The following KALRN variants were observed in gnomAD, a reference collection of about 807,000 sequenced individuals.
The protein encoded by KALRN is kalirin.
KALRN carries 70 observed loss-of-function variants against 353.7 expected under a neutral mutation model. The observed-to-expected ratio is 0.20, with a 90% CI of 0.16 to 0.24. The LOEUF (loss-of-function observed/expected upper bound fraction) is 0.24, where lower values mean the gene tolerates loss of function less well. KALRN is among the 10% of genes least tolerant of loss of function. The probability of loss-of-function intolerance (pLI) is 1.00; values close to 1 mark genes in which losing one functional copy is unlikely to be tolerated. For missense variants in KALRN, 2,791 were observed against 3,756.7 expected (o/e 0.74, Z 6.72); for synonymous variants, 1,391 against 1,434.8 (o/e 0.97, Z 0.69).
At chr3:124,203,112 G>T (rs1210450075) in intron 1 of KALRN, among the ~76,000 whole-genome samples, 1 of 152,190 alleles carries the variant, frequency 6.6e-6, no homozygotes, top group Non-Finnish European at 1.5e-5. Context: ...GAACTTTGAG[G>T]ATAGAGAGAT....
intron 33 of KALRN, among the ~76,000 whole-genome samples, chr3:124,550,401 T>A: frequency 6.6e-6 from 1 of 152,134 alleles, no homozygotes; most frequent in East Asian, 1.9e-4. Flanking sequence ...CTTGCCCTAG[T>A]CTCTGCTTTC....
At chr3:124,414,406 G>C (rs531406803) in intron 14 of KALRN, among the ~76,000 whole-genome samples, 2 of 152,178 alleles carry the variant, frequency 1.3e-5, no homozygotes, top group African/African-American at 4.8e-5. Context: ...CCTTGTCTCC[G>C]GTTCCTGTTT....
chr3:124,664,631 G>A (rs1033206141), intron 45 of KALRN, among the ~76,000 whole-genome samples: 10 of 152,084 alleles, frequency 6.6e-5, no homozygotes, highest in African/African-American at 1.9e-4. Context: ...GGCTGGTCTC[G>A]ATCTCCTGAC....
intron 3 of KALRN, among the ~76,000 whole-genome samples, chr3:124,261,898 A>C (rs1241821525): frequency 1.3e-5 from 2 of 152,218 alleles, no homozygotes; most frequent in Admixed American, 1.3e-4. Context: ...CTAAATCCCA[A>C]TAGAAAGCCA....
At chr3:124,171,823 C>T (rs532600418) in intron 1 of KALRN, among the ~76,000 whole-genome samples, 1 of 152,298 alleles carries the variant, frequency 6.6e-6, no homozygotes, top group African/African-American at 2.4e-5. Flanking sequence ...TTAATAACTG[C>T]AAGCAGTTGC....
intron 14 of KALRN, among the ~76,000 whole-genome samples, chr3:124,419,603 C>T (rs1314782343): frequency 6.6e-6 from 1 of 152,018 alleles, no homozygotes; most frequent in Non-Finnish European, 1.5e-5. Flanking sequence ...TGTGCTAGGG[C>T]CTGAAGAGGC....
intron 1 of KALRN, among the ~76,000 whole-genome samples, chr3:124,212,604 T>C (rs907399790): frequency 3.3e-5 from 5 of 152,160 alleles, no homozygotes; most frequent in Admixed American, 2.0e-4. Context: ...TCTGTCCTCC[T>C]TTTTCCTTAG....
intron 3 of KALRN, among the ~76,000 whole-genome samples, chr3:124,243,114 T>C (rs1468706607): frequency 6.6e-6 from 1 of 152,230 alleles, no homozygotes; most frequent in Non-Finnish European, 1.5e-5. Context: ...CACCTGCCTG[T>C]CTGTTTCTAT....
intron 4 of KALRN, among the ~76,000 whole-genome samples, chr3:124,268,364 G>A (rs1304602287): frequency 6.6e-6 from 1 of 152,162 alleles, no homozygotes; most frequent in Non-Finnish European, 1.5e-5. Context: ...TGGTTTTAAA[G>A]CTGTGGAAAA....
intron 13 of KALRN, among the ~76,000 whole-genome samples, chr3:124,412,283 G>A (rs1229311484): frequency 6.6e-6 from 1 of 152,102 alleles, no homozygotes; most frequent in Non-Finnish European, 1.5e-5. Context: ...TGCCATGTGG[G>A]AGCTGGCATG....
intron 1 of KALRN, among the ~76,000 whole-genome samples, chr3:124,132,436 T>C (rs1266920020): frequency 6.6e-6 from 1 of 152,200 alleles, no homozygotes; most frequent in African/African-American, 2.4e-5. Flanking sequence ...GGAGCCTCCA[T>C]CACTGGGAAG....
chr3:124,195,816 C>T (rs1383467499), intron 1 of KALRN, among the ~76,000 whole-genome samples: 2 of 152,218 alleles, frequency 1.3e-5, no homozygotes, highest in African/African-American at 4.8e-5. Context: ...GCCTACCTGC[C>T]AGAAATCTAA....
intron 1 of KALRN, among the ~76,000 whole-genome samples, chr3:124,190,940 G>C (rs552661876): frequency 2.6e-4 from 40 of 152,294 alleles, no homozygotes; most frequent in African/African-American, 9.6e-4. Context: ...TCAGCCCCAG[G>C]TTGTGACCTG....
chr3:124,094,584 C>G, intron 1 of KALRN: 2 of 542,004 alleles, frequency 3.7e-6, no homozygotes, highest in Non-Finnish European at 6.7e-6. Context: ...CATCTCCGAC[C>G]TCCCCTTGGG....
chr3:124,259,180 T>C (rs2072493666), intron 3 of KALRN, among the ~76,000 whole-genome samples: 1 of 152,164 alleles, frequency 6.6e-6, no homozygotes, highest in African/African-American at 2.4e-5. Context: ...TGAAAATGCA[T>C]CACACTTCAG....
At chr3:124,235,811 T>A (rs1235728683) in intron 3 of KALRN, among the ~76,000 whole-genome samples, 1 of 152,232 alleles carries the variant, frequency 6.6e-6, no homozygotes, top group Non-Finnish European at 1.5e-5. Context: ...TTCTTTGGGC[T>A]TTCAAAACCT....
intron 51 of KALRN, among the ~76,000 whole-genome samples, chr3:124,689,001 G>C (rs1225441653): frequency 6.6e-6 from 1 of 152,132 alleles, no homozygotes; most frequent in Non-Finnish European, 1.5e-5. Flanking sequence ...TTCTCGCCTG[G>C]GAGGAAGCGC....
chr3:124,482,426 T>C (rs973132649), intron 27 of KALRN, among the ~76,000 whole-genome samples: 1 of 152,214 alleles, frequency 6.6e-6, no homozygotes, highest in Non-Finnish European at 1.5e-5. Flanking sequence ...GCCTTCCCTG[T>C]ACTCTCATCT....
chr3:124,187,620 G>T lies in KALRN; in HGVS notation c.74-40370G>T, dbSNP rs532533473. ...TGAATGGCAGAGTAATCAGCCAGGA[G>T]AAACCCAGTTGTTTCTGAAAGTATC... On this transcript the variant is annotated intron_variant, in intron 1 of 59. Coordinates refer to ENST00000682506, the MANE Select transcript of KALRN (RefSeq NM_001388419.1). 3.3e-5 allele frequency among the ~76,000 whole-genome samples: 5 copies of T among 152,354 alleles called. No homozygotes were observed. In the South Asian group the frequency reaches 8.3e-4, roughly 25 times the overall value.
Sources: allele counts gnomAD v4.1 joint callset (sites outside exome capture counted in the v4.1 genomes callset), GRCh38; gene constraint gnomAD v4.1.1; transcripts MANE v1.5; gene names NCBI Gene and HGNC (gene_info 2026-07-23, HGNC 2026-07-21).